Variants in DAAM1 observed in about 807,000 individuals in gnomAD.
DAAM1 encodes disheveled-associated activator of morphogenesis 1.
In DAAM1, 52 loss-of-function variants were observed where a neutral mutation model predicts 130.0. That is an observed-to-expected ratio of 0.40 (90% CI 0.32 to 0.50). DAAM1 has a LOEUF of 0.50. Ranked by LOEUF, DAAM1 falls within the 20% of genes least tolerant of loss-of-function variation. The pLI is 0.61. For missense variants in DAAM1, 1,134 were observed against 1,303.8 expected (o/e 0.87, Z 2.01); for synonymous variants, 452 against 444.5 (o/e 1.02, Z -0.21).
chr14:59,297,949 A>G (rs1884020344), intron 3 of DAAM1, among the ~76,000 whole-genome samples: 1 of 152,208 alleles, frequency 6.6e-6, no homozygotes, highest in Admixed American at 6.5e-5. Context: ...TGTAATTAGT[A>G]TAATCAAATA....
chr14:59,235,299 T>C (rs1405700612), intron 1 of DAAM1, among the ~76,000 whole-genome samples: 1 of 152,226 alleles, frequency 6.6e-6, no homozygotes, highest in East Asian at 1.9e-4. Flanking sequence ...GGTAGGCTAT[T>C]AATTACTACC....
At chr14:59,196,429 C>T (rs1299919575) in intron 1 of DAAM1, among the ~76,000 whole-genome samples, 4 of 152,172 alleles carry the variant, frequency 2.6e-5, no homozygotes, top group Non-Finnish European at 5.9e-5. Flanking sequence ...TCTAAATCCC[C>T]AGAATGTACT....
chr14:59,347,706 C>A, intron 17 of DAAM1, 83 bp downstream of exon 17: 1 of 1,315,546 alleles, frequency 7.6e-7, no homozygotes, highest in Non-Finnish European at 1.1e-6. Context: ...CCGGTTGTTG[C>A]TAGTGGATCA....
At chr14:59,281,501 G>A (rs1366139698) in intron 2 of DAAM1, among the ~76,000 whole-genome samples, 2 of 151,578 alleles carry the variant, frequency 1.3e-5, no homozygotes, top group Non-Finnish European at 2.9e-5. Flanking sequence ...CTGCTTTTTG[G>A]ATACACTAGA....
intron 23 of DAAM1, among the ~76,000 whole-genome samples, chr14:59,364,247 G>C (rs1357505679): frequency 2.0e-5 from 3 of 152,162 alleles, no homozygotes; most frequent in African/African-American, 7.2e-5. Flanking sequence ...TACAGCCTTG[G>C]AGGACAGGAT....
At chr14:59,309,751 G>C (rs191807176) in intron 3 of DAAM1, among the ~76,000 whole-genome samples, 1 of 152,138 alleles carries the variant, frequency 6.6e-6, no homozygotes, top group Non-Finnish European at 1.5e-5. Context: ...ACACTTTATC[G>C]TAGCCATCTT....
intron 4 of DAAM1, among the ~76,000 whole-genome samples, chr14:59,318,614 T>G (rs1257364368): frequency 2.0e-5 from 3 of 152,046 alleles, no homozygotes; most frequent in Non-Finnish European, 4.4e-5. Context: ...AATTATTTTA[T>G]TTTGAAAAGT....
chr14:59,202,422 T>C (rs1158684876), intron 1 of DAAM1, among the ~76,000 whole-genome samples: 1 of 152,172 alleles, frequency 6.6e-6, no homozygotes, highest in Non-Finnish European at 1.5e-5. Flanking sequence ...GCAAGGAAAA[T>C]AGCTGATTTT....
Position 59,355,294 on chromosome 14 carries a change from G to A in DAAM1, c.2486G>A (p.Ser829Asn), listed in dbSNP as rs1196943981. The A allele has an allele frequency of 1.2e-6, 2 of 1,613,984 alleles. No homozygotes were observed. Among genetic ancestry groups the A allele is most frequent in the Non-Finnish European group, 1.7e-6 (2 of 1,179,978 alleles). Reference protein sequence around the residue: ...RGNAYGFKISSLNKIADTKSS... With the variant: ...RGNAYGFKISNLNKIADTKSS... ...AATGCATATGGATTCAAGATATCTA[G>A]CCTAAACAAAATTGCTGACACAAAA... Residue 829 changes from serine to asparagine, a missense_variant, in exon 20 of 25, where the codon AGC (serine) becomes AAC (asparagine). Ser to Asn is a conservative substitution (Grantham distance 46, BLOSUM62 1). Around this residue, in one of 3 missense-constraint regions of DAAM1, gnomAD observed 644 missense variants for 695.9 expected, o/e 0.93. Coordinates refer to ENST00000360909, the MANE Select transcript of DAAM1 (RefSeq NM_001270520.2).
intron 3 of DAAM1, among the ~76,000 whole-genome samples, chr14:59,293,065 C>T (rs953809159): frequency 2.6e-5 from 4 of 152,046 alleles, no homozygotes; most frequent in South Asian, 2.1e-4. Context: ...CTGCTAGAAC[C>T]GAGAAAGAGA....
intron 17 of DAAM1, 139 bp from the exon 18 acceptor site, chr14:59,352,387 A>G: frequency 6.6e-6 from 4 of 606,062 alleles, no homozygotes; most frequent in Non-Finnish European, 1.1e-5. Flanking sequence ...TTTCTATTGT[A>G]TCTTAACCTG....
At chr14:59,323,485 A>G (rs1013423225) in intron 6 of DAAM1, among the ~76,000 whole-genome samples, 1 of 152,220 alleles carries the variant, frequency 6.6e-6, no homozygotes, top group Non-Finnish European at 1.5e-5. Flanking sequence ...TATAGCACAC[A>G]TCTTTTGAAC....
At chr14:59,244,158 G>A (rs1881252647) in intron 1 of DAAM1, among the ~76,000 whole-genome samples, 3 of 151,986 alleles carry the variant, frequency 2.0e-5, no homozygotes, top group Middle Eastern at 3.4e-3. Flanking sequence ...TCTCTTGCCC[G>A]CCACCATGTA....
In DAAM1 at chr14:59,355,351, C is replaced by T. The variant is rs1346391418; in HGVS notation, c.2525+18C>T. ...ATCGACAAGTAAGTATGAGATCTTC[C>T]AACACTTGGGGGAGCCAGGTGTGTA... On this transcript the variant is annotated intron_variant, in intron 20 of 24. Transcript: ENST00000360909. 2.5e-6 allele frequency: 4 copies of T among 1,612,812 alleles called. No individual in the cohort carries two copies. Among genetic ancestry groups the T allele is most frequent in the Non-Finnish European group, 3.4e-6 (4 of 1,179,574 alleles).
chr14:59,354,660 G>T (rs1363101740), intron 19 of DAAM1, among the ~76,000 whole-genome samples: 1 of 152,172 alleles, frequency 6.6e-6, no homozygotes, highest in African/African-American at 2.4e-5. Flanking sequence ...TTTGAAATGT[G>T]GGCAAGGCAA....
At chr14:59,276,672 A>C (rs1419972611) in intron 2 of DAAM1, among the ~76,000 whole-genome samples, 1 of 152,224 alleles carries the variant, frequency 6.6e-6, no homozygotes, top group Non-Finnish European at 1.5e-5. Flanking sequence ...CTAATTTGAA[A>C]AATAAAAGTT....
chr14:59,270,357 C>T (rs917984453), intron 2 of DAAM1, among the ~76,000 whole-genome samples: 8 of 152,152 alleles, frequency 5.3e-5, no homozygotes, highest in Non-Finnish European at 1.2e-4. Context: ...GCAGAGATCA[C>T]GTGGCCAGAG....
At chr14:59,222,563 A>T (rs1001323227) in intron 1 of DAAM1, among the ~76,000 whole-genome samples, 1 of 152,154 alleles carries the variant, frequency 6.6e-6, no homozygotes. Flanking sequence ...TGCTGAGCCC[A>T]TGCCTAACCT....
intron 1 of DAAM1, among the ~76,000 whole-genome samples, chr14:59,216,885 T>A (rs1256862987): frequency 6.6e-6 from 1 of 150,834 alleles, no homozygotes. Flanking sequence ...AAGAATTGAA[T>A]TTTAAGTATA....
Sources: gnomAD v4.1 joint callset for allele counts (sites outside exome capture counted in the v4.1 genomes callset) on GRCh38, gnomAD v4.1.1 for gene constraint, gnomAD v4.1.1 regional missense constraint, MANE v1.5 for transcripts, NCBI Gene and HGNC (gene_info 2026-07-23, HGNC 2026-07-21) for gene names.